Variants in MAF observed in about 807,000 individuals in gnomAD.
MAF encodes MAF bZIP transcription factor.
A neutral mutation model predicts 22.0 loss-of-function variants in MAF; 10 were observed. That is an observed-to-expected ratio of 0.45 (90% confidence interval 0.28 to 0.77). MAF has a LOEUF of 0.77. MAF is among the 30% of genes least tolerant of loss of function. The probability of loss-of-function intolerance (pLI) is 0.12; values close to 1 mark genes in which losing one functional copy is unlikely to be tolerated. For synonymous variants in MAF, 337 were observed against 255.8 expected, an observed-to-expected ratio of 1.32 and a Z score of -3.03; for missense variants, 544 against 548.4, an observed-to-expected ratio of 0.99 and a Z score of 0.08.
At chr16:79,208,658 CTT>C in the MAF span, among the ~76,000 whole-genome samples, 1 of 151,324 alleles carries the variant, frequency 6.6e-6, no homozygotes, top group African/African-American at 2.4e-5. Flanking sequence ...TTTAAGAATG[CTT>C]TCTCTTTTAT....
chr16:79,389,751 C>T, the MAF span, among the ~76,000 whole-genome samples: 27 of 151,904 alleles, frequency 1.8e-4, 1 homozygote, highest in South Asian at 3.5e-3. Context: ...CCGACGCGGG[C>T]GGATCACGAG....
chr16:79,398,950 C>T, the MAF span, among the ~76,000 whole-genome samples: 1 of 152,214 alleles, frequency 6.6e-6, no homozygotes. Flanking sequence ...TGATTGCCTG[C>T]AGTGTTGTCC....
chr16:79,358,005 A>G, the MAF span, among the ~76,000 whole-genome samples: 1 of 152,202 alleles, frequency 6.6e-6, no homozygotes, highest in Non-Finnish European at 1.5e-5. Context: ...AGGTACTTGA[A>G]TGGCCAACTT....
At chr16:79,454,767 T>C in the MAF span, among the ~76,000 whole-genome samples, 1 of 151,124 alleles carries the variant, frequency 6.6e-6, no homozygotes, top group East Asian at 2.0e-4. Flanking sequence ...CATGACAATG[T>C]CTCTGGAAAA....
the MAF span, among the ~76,000 whole-genome samples, chr16:79,236,539 T>A: frequency 1.3e-5 from 2 of 152,060 alleles, no homozygotes; most frequent in Admixed American, 6.6e-5. Flanking sequence ...ATCCATGAGA[T>A]CTTTCAAAAC....
chr16:79,352,419 G>T, the MAF span, among the ~76,000 whole-genome samples: 3 of 152,136 alleles, frequency 2.0e-5, no homozygotes, highest in African/African-American at 4.8e-5. Flanking sequence ...GTGGATGCCT[G>T]ACGTTGCCTT....
At chr16:79,365,956 G>C in the MAF span, among the ~76,000 whole-genome samples, 1 of 152,190 alleles carries the variant, frequency 6.6e-6, no homozygotes, top group Non-Finnish European at 1.5e-5. Flanking sequence ...GCCAATTGCG[G>C]TCTGATCTAC....
the MAF span, among the ~76,000 whole-genome samples, chr16:79,290,691 G>A: frequency 1.3e-5 from 2 of 152,098 alleles, no homozygotes; most frequent in African/African-American, 4.8e-5. Flanking sequence ...GAGACACTGT[G>A]TGATCTGTCT....
chr16:79,316,190 C>G, the MAF span, among the ~76,000 whole-genome samples: 1 of 152,202 alleles, frequency 6.6e-6, no homozygotes. Context: ...TTTCCATTTC[C>G]AATTTGATGG....
the MAF span, among the ~76,000 whole-genome samples, chr16:79,464,364 G>C: frequency 2.6e-5 from 4 of 152,090 alleles, no homozygotes; most frequent in African/African-American, 7.2e-5. Flanking sequence ...GCCCACTCTA[G>C]CCCACCACAG....
the MAF span, among the ~76,000 whole-genome samples, chr16:79,372,265 G>C: frequency 1.3e-5 from 2 of 151,998 alleles, no homozygotes; most frequent in East Asian, 1.9e-4. Flanking sequence ...GGGGGAACTT[G>C]CTCAGAGCAA....
the MAF span, among the ~76,000 whole-genome samples, chr16:79,299,953 C>T: frequency 6.6e-6 from 1 of 152,214 alleles, no homozygotes; most frequent in East Asian, 1.9e-4. Context: ...GTCCACTGGG[C>T]TTAGCTTGTC....
At chr16:79,584,720 T>G (rs1912735877), downstream of MAF, among the ~76,000 whole-genome samples, 1 of 151,584 alleles carries the variant, frequency 6.6e-6, no homozygotes, top group Admixed American at 6.6e-5. Flanking sequence ...ACACACAAAT[T>G]AACCCCAAAT....
At chr16:79,577,927 GC>G in the MAF span, among the ~76,000 whole-genome samples, 4 of 152,134 alleles carry the variant, frequency 2.6e-5, no homozygotes, top group East Asian at 7.7e-4. Context: ...CAGAAACTGA[GC>G]TCTGGGTAAC....
the MAF span, among the ~76,000 whole-genome samples, chr16:79,512,216 C>A: frequency 6.6e-6 from 1 of 152,154 alleles, no homozygotes; most frequent in Non-Finnish European, 1.5e-5. Context: ...AAAGAACAGG[C>A]AAAGCTTCAC....
the MAF span, among the ~76,000 whole-genome samples, chr16:79,350,624 T>A: frequency 6.6e-6 from 1 of 152,068 alleles, no homozygotes; most frequent in Non-Finnish European, 1.5e-5. Context: ...TCTCTGTCCT[T>A]CCCAGCCAAC....
chr16:79,493,083 G>T, the MAF span, among the ~76,000 whole-genome samples: 1 of 151,730 alleles, frequency 6.6e-6, no homozygotes, highest in African/African-American at 2.4e-5. Flanking sequence ...TCAGCCTCCT[G>T]AGTACTTGGG....
chr16:79,447,583 A>G, the MAF span, among the ~76,000 whole-genome samples: 2 of 152,222 alleles, frequency 1.3e-5, no homozygotes, highest in African/African-American at 4.8e-5. Context: ...TGGGCAAAGT[A>G]AATTGAAAAC....
At chr16:79,267,246 G>A in the MAF span, among the ~76,000 whole-genome samples, 4 of 152,284 alleles carry the variant, frequency 2.6e-5, no homozygotes, top group South Asian at 8.3e-4. Flanking sequence ...TGGATGTGGT[G>A]GGGTATTGTG....
Sources: allele counts gnomAD v4.1 joint callset (sites outside exome capture counted in the v4.1 genomes callset), GRCh38; gene constraint gnomAD v4.1.1; transcripts MANE v1.5; gene names NCBI Gene and HGNC (gene_info 2026-07-23, HGNC 2026-07-21).